The following VRTN variants were observed in gnomAD, a reference collection of about 807,000 sequenced individuals.
VRTN encodes the protein vertnin.
VRTN carries 5 observed loss-of-function variants against 18.2 expected under a neutral mutation model. That is an observed-to-expected ratio of 0.27 (90% CI 0.14 to 0.58). VRTN has a LOEUF of 0.58. Ranked by LOEUF, VRTN falls within the 20% of genes least tolerant of loss-of-function variation. The pLI, the probability that VRTN is intolerant of heterozygous loss-of-function variation, is 0.91. For synonymous variants in VRTN, 381 were observed against 393.7 expected, an observed-to-expected ratio of 0.97 and a Z score of 0.38; for missense variants, 741 against 939.4, an observed-to-expected ratio of 0.79 and a Z score of 2.76.
At chr14:74,338,016 T>G (rs1422427195) in intron 2 of VRTN, 1 of 152,180 alleles carries the variant, frequency 6.6e-6, no homozygotes, top group East Asian at 1.9e-4. Flanking sequence ...TCAGAATGAA[T>G]AGTAAAATGA....
At chr14:74,304,130 A>C (rs1213743286) in intron 1 of VRTN, among the ~76,000 whole-genome samples, 4 of 150,772 alleles carry the variant, frequency 2.7e-5, no homozygotes, top group African/African-American at 9.8e-5. Flanking sequence ...GGATTACAAG[A>C]GTGAGCCACC....
chr14:74,352,704 C>T (rs962249104), intron 1 of VRTN, among the ~76,000 whole-genome samples: 4 of 152,070 alleles, frequency 2.6e-5, no homozygotes, highest in African/African-American at 4.8e-5. Flanking sequence ...TGTGCCACCA[C>T]GCCTGGCCTT....
At chr14:74,335,607 C>A (rs2085558491) in intron 1 of VRTN, among the ~76,000 whole-genome samples, 1 of 152,072 alleles carries the variant, frequency 6.6e-6, no homozygotes, top group African/African-American at 2.4e-5. Flanking sequence ...GAAATTAAGG[C>A]TCAGTAGAGC....
chr14:74,310,804 G>C (rs968154143), intron 1 of VRTN, among the ~76,000 whole-genome samples: 22 of 151,990 alleles, frequency 1.4e-4, no homozygotes, highest in Admixed American at 1.1e-3. Flanking sequence ...TCCCGAAGTG[G>C]TGGGATTACA....
chr14:74,352,229 G>T (rs1354766329), intron 1 of VRTN, among the ~76,000 whole-genome samples: 1 of 149,972 alleles, frequency 6.7e-6, no homozygotes, highest in Non-Finnish European at 1.5e-5. Context: ...ACCCAGGCTG[G>T]AGTGCGGTGG....
At chr14:74,313,468 G>T (rs886402808) in intron 1 of VRTN, among the ~76,000 whole-genome samples, 1 of 152,176 alleles carries the variant, frequency 6.6e-6, no homozygotes, top group Admixed American at 6.6e-5. Context: ...AATTTATCCT[G>T]TGGGCTGACC....
intron 1 of VRTN, among the ~76,000 whole-genome samples, chr14:74,351,894 A>T (rs1281380519): frequency 1.3e-5 from 2 of 151,980 alleles, no homozygotes; most frequent in Non-Finnish European, 2.9e-5. Flanking sequence ...TCCAGGCTAG[A>T]GTACAGTGGT....
At chr14:74,333,774 A>G (rs2085544721) in intron 1 of VRTN, among the ~76,000 whole-genome samples, 1 of 151,544 alleles carries the variant, frequency 6.6e-6, no homozygotes, top group Admixed American at 6.6e-5. Flanking sequence ...CGGGAGGTGG[A>G]GGTTGCGGTG....
intron 1 of VRTN, among the ~76,000 whole-genome samples, chr14:74,307,878 C>T (rs930339777): frequency 6.6e-6 from 1 of 152,016 alleles, no homozygotes; most frequent in East Asian, 1.9e-4. Context: ...TACAGGCGTC[C>T]ACCAGCACGC....
intron 2 of VRTN, among the ~76,000 whole-genome samples, chr14:74,340,838 C>A (rs546819576): frequency 1.3e-5 from 2 of 152,288 alleles, no homozygotes; most frequent in African/African-American, 4.8e-5. Context: ...GCAGCCTCTG[C>A]CTCCTGGGTT....
Position 74,330,928 on chromosome 14 carries a change from G to A in VRTN, c.-163-6795G>A, listed in dbSNP as rs561741770. 4.9e-3 allele frequency among the ~76,000 whole-genome samples: 729 copies of A among 149,544 alleles called. 4 individuals are homozygous for A. The highest frequency in any genetic ancestry group is 0.017 in the African/African-American group (693 of 40,716). ...TAAAACACAAGTCTGGGCCGGGCAC[G>A]GTGGCTCACGCCTGTAATCCCAGCA... On this transcript the variant is annotated intron_variant, in intron 1 of 2. Transcript: ENST00000557177.
chr14:74,328,453 T>A (rs946668013), intron 1 of VRTN, among the ~76,000 whole-genome samples: 1 of 152,232 alleles, frequency 6.6e-6, no homozygotes, highest in African/African-American at 2.4e-5. Context: ...GTCTACAGAT[T>A]GTTTTTTTGA....
At chr14:74,317,127 A>G (rs1182983894) in intron 1 of VRTN, among the ~76,000 whole-genome samples, 1 of 152,180 alleles carries the variant, frequency 6.6e-6, no homozygotes, top group African/African-American at 2.4e-5. Context: ...GAGTGACAAA[A>G]TTTGGTGGAT....
chr14:74,331,547 TATATATATA>T (rs2085525396), intron 1 of VRTN, among the ~76,000 whole-genome samples: 4 of 26,726 alleles, frequency 1.5e-4, no homozygotes, highest in East Asian at 3.5e-3. Context: ...AAAAATTTTA[TATATATATA>T]TATATATATA....
intron 1 of VRTN, among the ~76,000 whole-genome samples, chr14:74,309,411 C>A (rs888530383): frequency 6.6e-6 from 1 of 152,146 alleles, no homozygotes; most frequent in Non-Finnish European, 1.5e-5. Context: ...GAATTTCCCC[C>A]GGCTCTAATC....
chr14:74,358,226 G>A lies in VRTN; in HGVS notation c.1443G>A (p.Glu481=). The A allele has an allele frequency of 1.2e-6, 2 of 1,612,726 alleles. No individual in the cohort carries two copies. Among genetic ancestry groups the A allele is most frequent in the Non-Finnish European group, 1.7e-6 (2 of 1,179,438 alleles). ...TTCCTTGGAAGAGTGAGGCGGAAGA[G>A]GGGGCAGGGAATGCCACAGGTGAGG... The part of the protein sequence containing the change: ...AVIPWKSEAE[E]GAGNATGEDP... The change falls in exon 2 of 2, where the codon GAG becomes GAA. Residue 481 remains glutamate (E), a synonymous_variant. Transcript: ENST00000256362. This position sits in a 1 kb window ranked among gnomAD's most constrained non-coding sequence, Gnocchi z 5.4.
At chr14:74,335,655 G>C (rs1006204222) in intron 1 of VRTN, among the ~76,000 whole-genome samples, 2 of 151,958 alleles carry the variant, frequency 1.3e-5, no homozygotes, top group African/African-American at 2.4e-5. Flanking sequence ...TCTAAAGCCA[G>C]TGATTTTCAT....
rs1282342222 is a variant in VRTN, at chr14:74,357,807, A to G, written c.1024A>G (p.Ile342Val). Residue 342 changes from isoleucine (I) to valine (V), a missense_variant, in exon 2 of 2, where the codon ATC becomes GTC. Transcript: ENST00000256362. This position sits in a 1 kb window ranked among gnomAD's most constrained non-coding sequence, Gnocchi z 7.8. ...GCAGTTCCTCCAGCGGTTCCCGGAG[A>G]TCTCCCGCTCAACCTACTATGCCTG... ...LQQFLQRFPE[I>V]SRSTYYAWKH... is the part of the protein sequence containing the mutation. The G allele has an allele frequency of 2.5e-6, 4 of 1,612,926 alleles. No individual in the cohort carries two copies. The highest frequency in any genetic ancestry group is 3.4e-6 in the Non-Finnish European group (4 of 1,180,010).
chr14:74,308,451 C>T (rs1461632810), intron 1 of VRTN, among the ~76,000 whole-genome samples: 1 of 152,164 alleles, frequency 6.6e-6, no homozygotes, highest in Non-Finnish European at 1.5e-5. Context: ...CCAGTTTCTA[C>T]AAAGCAGCCA....
Sources: gnomAD v4.1 joint callset for allele counts (sites outside exome capture counted in the v4.1 genomes callset) on GRCh38, gnomAD v4.1.1 for gene constraint, Gnocchi (gnomAD v3.1) non-coding constraint, MANE v1.5 for transcripts, NCBI Gene and HGNC (gene_info 2026-07-23, HGNC 2026-07-21) for gene names.